The following DLC1 variants were observed in gnomAD, a reference collection of about 807,000 sequenced individuals.
DLC1 encodes the protein DLC1 Rho GTPase activating protein.
A neutral mutation model predicts 140.3 loss-of-function variants in DLC1; 54 were observed. The observed-to-expected ratio is 0.38, with a 90% CI of 0.31 to 0.48. DLC1 has a LOEUF of 0.48. DLC1 is among the 20% of genes least tolerant of loss of function. The pLI, the probability that DLC1 is intolerant of heterozygous loss-of-function variation, is 0.96. For missense variants in DLC1, 2,536 were observed against 1,907.0 expected, an observed-to-expected ratio of 1.33 and a Z score of -6.14; for synonymous variants, 986 against 728.1, an observed-to-expected ratio of 1.35 and a Z score of -5.70.
chr8:13,590,453 G>A (rs925702692), intron 1 of DLC1, among the ~76,000 whole-genome samples: 2 of 152,032 alleles, frequency 1.3e-5, no homozygotes, highest in African/African-American at 4.8e-5. Context: ...CATGAAAACA[G>A]CTGGTTCTTT....
chr8:13,254,797 G>A (rs981378685), intron 5 of DLC1, among the ~76,000 whole-genome samples: 1 of 152,118 alleles, frequency 6.6e-6, no homozygotes, highest in Non-Finnish European at 1.5e-5. Flanking sequence ...GTGTTGGTGT[G>A]TGATATGATT....
At chr8:13,162,062 G>A (rs1213777573) in intron 5 of DLC1, among the ~76,000 whole-genome samples, 1 of 152,164 alleles carries the variant, frequency 6.6e-6, no homozygotes, top group Non-Finnish European at 1.5e-5. Context: ...AGGGGTTTAT[G>A]AAAGTTTTTG....
intron 5 of DLC1, among the ~76,000 whole-genome samples, chr8:13,153,767 G>T (rs909658909): frequency 6.6e-5 from 10 of 151,966 alleles, no homozygotes; most frequent in Non-Finnish European, 1.5e-5. Flanking sequence ...CCTAGAGGTA[G>T]ACACAGAATG....
intron 4 of DLC1, among the ~76,000 whole-genome samples, chr8:13,309,384 C>A (rs551133011): frequency 3.9e-5 from 6 of 152,228 alleles, no homozygotes; most frequent in Admixed American, 3.3e-4. Flanking sequence ...GGCTCCCAAC[C>A]ACTCCAACCC....
chr8:13,491,731 C>T (rs907643438), intron 2 of DLC1, among the ~76,000 whole-genome samples: 3 of 152,120 alleles, frequency 2.0e-5, no homozygotes, highest in Admixed American at 2.0e-4. Flanking sequence ...CTCTTCTTCC[C>T]TCATGTCCTG....
At chr8:13,550,376 T>A (rs924936133) in intron 1 of DLC1, among the ~76,000 whole-genome samples, 1 of 152,164 alleles carries the variant, frequency 6.6e-6, no homozygotes, top group Non-Finnish European at 1.5e-5. Flanking sequence ...CATGAGGAAC[T>A]GTAAGTCAAT....
At chr8:13,552,527 C>T (rs1461700365) in intron 1 of DLC1, among the ~76,000 whole-genome samples, 1 of 151,004 alleles carries the variant, frequency 6.6e-6, no homozygotes, top group Admixed American at 6.6e-5. Context: ...TCAGCTGTAA[C>T]CTTAAAAACA....
chr8:13,427,193 C>T (rs1404570567), intron 2 of DLC1, among the ~76,000 whole-genome samples: 1 of 152,164 alleles, frequency 6.6e-6, no homozygotes, highest in African/African-American at 2.4e-5. Context: ...GGTTAATGCC[C>T]CAGCTTTGCA....
intron 5 of DLC1, among the ~76,000 whole-genome samples, chr8:13,235,441 A>G (rs1186478316): frequency 6.6e-6 from 1 of 151,972 alleles, no homozygotes; most frequent in South Asian, 2.1e-4. Context: ...TGTATATTCA[A>G]TATCTCTCTT....
rs148140672 is a variant in DLC1 at position 13,123,131 on chromosome 8, G to C, written c.1349-7474C>G. 3.8e-4 allele frequency among the ~76,000 whole-genome samples: 58 copies of C among 152,244 alleles called. No individual in the cohort carries two copies. The Middle Eastern group carries it at 0.01, about 27-fold the overall frequency. ...ACTTAGAAACGAACTGGTTTCCTAA[G>C]GGCTATTGCAAGGTCCACGTGTTTG... On this transcript the variant is annotated intron_variant, in intron 5 of 17. Coordinates refer to ENST00000276297, the MANE Select transcript of DLC1 (RefSeq NM_182643.3).
intron 14 of DLC1, 29 bp from the exon 15 acceptor site, chr8:13,090,499 G>C: frequency 1.2e-6 from 2 of 1,610,820 alleles, no homozygotes; most frequent in Non-Finnish European, 1.7e-6. Flanking sequence ...ACAGAAAGGA[G>C]GTGAGTCCAC....
At chr8:13,091,568 G>A in intron 13 of DLC1, 136 bp from the exon 14 acceptor site, 6 of 677,856 alleles carry the variant, frequency 8.9e-6, no homozygotes, top group Middle Eastern at 4.3e-4. Context: ...TGGATTAAGA[G>A]TGTTTTTACT....
At chr8:13,326,660 G>A (rs1833359836) in intron 4 of DLC1, among the ~76,000 whole-genome samples, 1 of 152,130 alleles carries the variant, frequency 6.6e-6, no homozygotes, top group East Asian at 1.9e-4. Context: ...TCCCTTTCCA[G>A]GTTAGCTAGC....
intron 4 of DLC1, among the ~76,000 whole-genome samples, chr8:13,380,208 G>A (rs1836189751): frequency 6.6e-6 from 1 of 152,170 alleles, no homozygotes; most frequent in Non-Finnish European, 1.5e-5. Context: ...CCACAAATAA[G>A]AAACGAGTTA....
intron 4 of DLC1, among the ~76,000 whole-genome samples, chr8:13,369,356 A>G (rs1384369678): frequency 2.5e-5 from 3 of 122,062 alleles, no homozygotes; most frequent in African/African-American, 5.6e-5. Context: ...GGCTGGGTCG[A>G]AAAAAAAAAA....
Position 13,086,146 on chromosome 8 carries a change from G to A in DLC1, c.4466+144C>T, listed in dbSNP as rs1454628389. The A allele has an allele frequency of 3.7e-6, 5 of 1,344,508 alleles. No individual in the cohort carries two copies. In the African/African-American group the frequency reaches 5.9e-5, roughly 16 times the overall value. 83.3% of individuals were successfully genotyped at this position (1,344,508 alleles called of 1,614,324 possible). A position where few individuals can be genotyped will look rare whatever the true frequency, so the allele number is the denominator to read the frequency against. On this transcript the variant is annotated intron_variant, in intron 17 of 17. Transcript: ENST00000276297. The stretch of plus-strand genomic sequence containing the variant: ...TGGTCGCTGAAAGACCAACAAACAT[G>A]AAATGCTACTTTCTAAACACCATTC...
At chr8:13,250,174 A>T (rs1829942451) in intron 5 of DLC1, among the ~76,000 whole-genome samples, 1 of 152,220 alleles carries the variant, frequency 6.6e-6, no homozygotes, top group African/African-American at 2.4e-5. Flanking sequence ...TTCCATATAA[A>T]CTTCTACCAA....
intron 5 of DLC1, among the ~76,000 whole-genome samples, chr8:13,161,616 C>A (rs555587096): frequency 7.2e-5 from 11 of 152,288 alleles, no homozygotes; most frequent in African/African-American, 2.6e-4. Flanking sequence ...GGATTACAAG[C>A]CCTTGATTCT....
At chr8:13,086,574 C>T (rs940861084) in intron 16 of DLC1, 111 bp from the exon 17 acceptor site, 94 of 1,266,504 alleles carry the variant, frequency 7.4e-5, no homozygotes, top group Non-Finnish European at 9.4e-5. Context: ...GGCTCAGTGG[C>T]CATGCTGTGT....
Sources: allele counts gnomAD v4.1 joint callset (sites outside exome capture counted in the v4.1 genomes callset), GRCh38; gene constraint gnomAD v4.1.1; transcripts MANE v1.5; gene names NCBI Gene and HGNC (gene_info 2026-07-23, HGNC 2026-07-21).